Variants in PRKAG2 observed in about 807,000 individuals in gnomAD.
PRKAG2 encodes 5'-AMP-activated protein kinase subunit gamma-2.
PRKAG2 carries 26 observed loss-of-function variants against 69.6 expected under a neutral mutation model. The ratio of observed to expected loss-of-function variants is 0.37; its 90% CI spans 0.27 to 0.52. The LOEUF (loss-of-function observed/expected upper bound fraction) is 0.52. PRKAG2 is among the 20% of genes least tolerant of loss of function. The pLI, the probability that PRKAG2 is intolerant of heterozygous loss-of-function variation, is 0.90. For synonymous variants in PRKAG2, 293 were observed against 285.0 expected (o/e 1.03, Z -0.28); for missense variants, 557 against 740.0 (o/e 0.75, Z 2.87).
At chr7:151,858,218 T>C (rs1253589129) in intron 1 of PRKAG2, among the ~76,000 whole-genome samples, 1 of 152,132 alleles carries the variant, frequency 6.6e-6, no homozygotes, top group African/African-American at 2.4e-5. Flanking sequence ...CAGCCTCTCC[T>C]GCACCGTGCC....
At chr7:151,826,371 C>T (rs1586675558) in intron 1 of PRKAG2, among the ~76,000 whole-genome samples, 1 of 152,038 alleles carries the variant, frequency 6.6e-6, no homozygotes, top group East Asian at 1.9e-4. Flanking sequence ...TTAGTAGAGA[C>T]AGGGTTTCAC....
intron 3 of PRKAG2, among the ~76,000 whole-genome samples, chr7:151,733,361 C>A (rs1173433454): frequency 6.6e-6 from 1 of 152,246 alleles, no homozygotes; most frequent in Non-Finnish European, 1.5e-5. Context: ...TCAGAGCTTG[C>A]ATCTGCATCC....
At chr7:151,821,784 G>C (rs1470284328) in intron 1 of PRKAG2, among the ~76,000 whole-genome samples, 3 of 152,128 alleles carry the variant, frequency 2.0e-5, no homozygotes, top group African/African-American at 4.8e-5. Context: ...GCCAGTGCTG[G>C]GACGTTGGCT....
chr7:151,619,255 G>T (rs1031647163), intron 5 of PRKAG2, among the ~76,000 whole-genome samples: 3 of 152,202 alleles, frequency 2.0e-5, no homozygotes, highest in Non-Finnish European at 4.4e-5. Context: ...GATGAAGCTG[G>T]AGAACGGTGA....
intron 2 of PRKAG2, among the ~76,000 whole-genome samples, chr7:151,784,895 G>C (rs572210573): frequency 6.6e-6 from 1 of 152,158 alleles, no homozygotes; most frequent in Non-Finnish European, 1.5e-5. Flanking sequence ...CCCTCTCACC[G>C]GGAACCTTGG....
chr7:151,876,188 C>A (rs1405940780), intron 1 of PRKAG2, among the ~76,000 whole-genome samples: 2 of 151,980 alleles, frequency 1.3e-5, no homozygotes, highest in African/African-American at 2.4e-5. Context: ...GCACCGCCCC[C>A]CGCACCCGCA....
intron 3 of PRKAG2, among the ~76,000 whole-genome samples, chr7:151,732,492 G>C (rs1244697484): frequency 1.3e-5 from 2 of 152,112 alleles, no homozygotes; most frequent in Non-Finnish European, 2.9e-5. Context: ...TTGCTGAGAG[G>C]GAATTTAAAA....
intron 6 of PRKAG2, among the ~76,000 whole-genome samples, chr7:151,585,848 C>G (rs1811526166): frequency 6.6e-6 from 1 of 152,152 alleles, no homozygotes; most frequent in East Asian, 1.9e-4. Flanking sequence ...TGCCAGGGAG[C>G]AGAAGTACAG....
At chr7:151,557,602 G>A in intron 15 of PRKAG2, 1 of 980,630 alleles carries the variant, frequency 1.0e-6, no homozygotes, top group Non-Finnish European at 1.2e-6. Context: ...GGGCGCGGTG[G>A]CTCACATCTG....
chr7:151,568,336 A>G (rs913135789), intron 11 of PRKAG2, among the ~76,000 whole-genome samples: 2 of 152,234 alleles, frequency 1.3e-5, no homozygotes, highest in African/African-American at 4.8e-5. Flanking sequence ...AAACCATGAC[A>G]CCAGTAAAAG....
intron 3 of PRKAG2, among the ~76,000 whole-genome samples, chr7:151,722,544 A>T (rs1254671432): frequency 1.3e-5 from 2 of 152,086 alleles, no homozygotes; most frequent in Non-Finnish European, 2.9e-5. Flanking sequence ...CTGAGGAAAG[A>T]AGGGCTCGGC....
chr7:151,831,461 AAAG>A (rs2079024349), intron 1 of PRKAG2, among the ~76,000 whole-genome samples: 1 of 152,032 alleles, frequency 6.6e-6, no homozygotes, highest in South Asian at 2.1e-4. Flanking sequence ...TCGTTACGTG[AAAG>A]AAGTCATAAA....
chr7:151,602,973 G>A (rs1276494342), intron 5 of PRKAG2, among the ~76,000 whole-genome samples: 1 of 152,154 alleles, frequency 6.6e-6, no homozygotes, highest in Non-Finnish European at 1.5e-5. Context: ...CAATTAAACC[G>A]CTTTCCTTTA....
At chr7:151,718,518 G>A (rs979552872) in intron 3 of PRKAG2, among the ~76,000 whole-genome samples, 6 of 151,084 alleles carry the variant, frequency 4.0e-5, no homozygotes, top group African/African-American at 9.7e-5. Context: ...GTGGGCCTCC[G>A]TGTCCCCGCT....
chr7:151,608,293 T>C (rs957543304), intron 5 of PRKAG2, among the ~76,000 whole-genome samples: 6 of 152,220 alleles, frequency 3.9e-5, no homozygotes, highest in Non-Finnish European at 7.3e-5. Flanking sequence ...CACCAAGTTG[T>C]GGCATCCTGG....
chr7:151,740,066 C>G (rs1468850844), intron 3 of PRKAG2, among the ~76,000 whole-genome samples: 1 of 152,214 alleles, frequency 6.6e-6, no homozygotes, highest in African/African-American at 2.4e-5. Flanking sequence ...CCCAAGCCTA[C>G]AGCAAGGCAC....
intron 3 of PRKAG2, among the ~76,000 whole-genome samples, chr7:151,755,452 C>T (rs2075022166): frequency 6.6e-6 from 1 of 152,048 alleles, no homozygotes; most frequent in Non-Finnish European, 1.5e-5. Flanking sequence ...AGGGTGACCT[C>T]AGAGGACCTC....
chr7:151,865,886 G>A (rs938928487), intron 1 of PRKAG2, among the ~76,000 whole-genome samples: 4 of 152,084 alleles, frequency 2.6e-5, no homozygotes, highest in Admixed American at 6.5e-5. Flanking sequence ...TGGGTGTGGT[G>A]GCGGGCGCCC....
At chr7:151,801,993 G>A (rs761583126) in intron 1 of PRKAG2, among the ~76,000 whole-genome samples, 5 of 152,200 alleles carry the variant, frequency 3.3e-5, no homozygotes, top group Non-Finnish European at 7.3e-5. Flanking sequence ...GTGCAGGATG[G>A]AGTCTCCATG....
Sources: gnomAD v4.1 joint callset for allele counts (sites outside exome capture counted in the v4.1 genomes callset) on GRCh38, gnomAD v4.1.1 for gene constraint, MANE v1.5 for transcripts, NCBI Gene and HGNC (gene_info 2026-07-23, HGNC 2026-07-21) for gene names.